The following NR4A1 variants were observed in gnomAD, a reference collection of about 807,000 sequenced individuals.
The protein encoded by NR4A1 is nuclear receptor subfamily 4immunitygroup A member 1.
NR4A1 carries 24 observed loss-of-function variants against 47.5 expected under a neutral mutation model. The observed-to-expected ratio is 0.50, with a 90% CI of 0.37 to 0.71. NR4A1 has a LOEUF of 0.71. NR4A1 is among the 30% of genes least tolerant of loss of function. The pLI is 0.00. For missense variants in NR4A1, 669 were observed against 788.6 expected, an observed-to-expected ratio of 0.85 and a Z score of 1.82; for synonymous variants, 353 against 345.7, an observed-to-expected ratio of 1.02 and a Z score of -0.24.
intron 2 of NR4A1, among the ~76,000 whole-genome samples, chr12:52,042,622 C>T (rs1245046939): frequency 6.6e-6 from 1 of 152,070 alleles, no homozygotes; most frequent in East Asian, 1.9e-4. Flanking sequence ...AACCATGCCT[C>T]CTGGGTGGCT....
upstream of NR4A1, chr12:52,051,308 G>A (rs1938921695): frequency 1.4e-6 from 1 of 707,136 alleles, no homozygotes; most frequent in Non-Finnish European, 1.7e-6. Context: ...CCCCCTGGCC[G>A]CCTCCCGCCG....
Position 52,054,667 on chromosome 12 carries a change from C to T in NR4A1, c.339C>T (p.Pro113=), listed in dbSNP as rs758060568. The change falls in exon 2 of 7, where the codon CCC becomes CCT. Residue 113 remains proline (P), a synonymous_variant. Transcript: ENST00000394825. ...FEDFQVYGCY[P]GPLSGPVDEA... is the part of the protein sequence containing the mutation. ...ACTTCCAGGTGTACGGCTGCTACCCCGGCCCCCTGAGCGGCCCAGTGGATG... is the reference window on the plus strand; with the variant it reads ...ACTTCCAGGTGTACGGCTGCTACCCTGGCCCCCTGAGCGGCCCAGTGGATG... 14 of 1,614,002 alleles carry T rather than the reference C, an allele frequency of 8.7e-6. No homozygotes were observed. Among genetic ancestry groups the T allele is most frequent in the East Asian group, 4.5e-5 (2 of 44,896 alleles).
chr12:52,035,419 G>A (rs1469292802), intron 1 of NR4A1, among the ~76,000 whole-genome samples: 1 of 151,948 alleles, frequency 6.6e-6, no homozygotes, highest in Admixed American at 6.6e-5. Context: ...CTAAATAAAT[G>A]TATTTCTCCC....
chr12:52,047,001 G>A (rs150552528), upstream of NR4A1, among the ~76,000 whole-genome samples: 8 of 152,192 alleles, frequency 5.3e-5, no homozygotes, highest in African/African-American at 1.7e-4. Context: ...GGTGATGAGG[G>A]CAGATGGATA....
intron 1 of NR4A1, chr12:52,053,482 T>G (rs1445332080): frequency 6.7e-6 from 1 of 149,774 alleles, no homozygotes; most frequent in East Asian, 2.1e-4. Context: ...TTGTCCATTC[T>G]CCTGAGAGTC....
intron 1 of NR4A1, among the ~76,000 whole-genome samples, chr12:52,032,359 G>A (rs1938144919): frequency 1.3e-5 from 2 of 152,224 alleles, no homozygotes; most frequent in Admixed American, 6.5e-5. Context: ...TCCATGCTCT[G>A]ATTCTTGCAC....
At position 52,056,525 on chromosome 12, in the gene NR4A1, G is replaced by C. The variant is rs372285209; in HGVS notation, c.1038G>C (p.Arg346=). Residue 346 remains arginine (R), a synonymous_variant, in exon 4 of 7, where the codon CGG becomes CGC. Coordinates refer to ENST00000394825, the MANE Select transcript of NR4A1 (RefSeq NM_173157.3). ...GAACAGACAGCCTGAAGGGGCGGCG[G>C]GGCCGGCTACCTTCAAAACCCAAGC... ...VVRTDSLKGR[R]GRLPSKPKQP... is the part of the protein sequence containing the mutation. 9.3e-6 allele frequency: 15 copies of C among 1,613,402 alleles called. No homozygotes were observed. The highest frequency in any genetic ancestry group is 1.3e-5 in the Non-Finnish European group (15 of 1,179,740).
intron 4 of NR4A1, 155 bp from the exon 5 acceptor site, chr12:52,056,902 G>T (rs1939301288): frequency 2.4e-6 from 2 of 842,754 alleles, no homozygotes; most frequent in African/African-American, 1.7e-5. Context: ...GCAGCCCTGG[G>T]TTAATATGTG....
chr12:52,051,117 C>T (rs1366557435), upstream of NR4A1, among the ~76,000 whole-genome samples: 1 of 152,182 alleles, frequency 6.6e-6, no homozygotes, highest in East Asian at 1.9e-4. Flanking sequence ...GAGTCCGGTG[C>T]GGGGAGCCTA....
Position 52,037,774 on chromosome 12 carries a change from C to T in NR4A1, c.-83-4036C>T, listed in dbSNP as rs1035546445. ...CGCGGGAGCTCGTCTGCCAGGAGAC[C>T]CAGCCGGGAGGGACCGATGCTGCGT... On this transcript the variant is annotated intron_variant, in intron 1 of 7. Coordinates refer to the NR4A1 transcript ENST00000360284. 12 of 985,334 alleles carry T rather than the reference C, an allele frequency of 1.2e-5. No homozygotes were observed. In the South Asian group the frequency reaches 3.3e-4, roughly 27 times the overall value. The allele number at this position is 985,334 out of a possible 1,614,324, so 61.0% of individuals were successfully genotyped here.
At position 52,056,657 on chromosome 12, in the gene NR4A1, C is replaced by G; in HGVS notation, c.1158+12C>G. Reference sequence around the variant, plus strand: ...TGGACTACTCCAAGGTGAGGTCCCACCCCGTGTCTGCCTTGGGGAGGTCTA... The same window carrying G: ...TGGACTACTCCAAGGTGAGGTCCCAGCCCGTGTCTGCCTTGGGGAGGTCTA... On this transcript the variant is annotated intron_variant, in intron 4 of 6. Transcript: ENST00000394825. 1 of 1,561,690 alleles carries G rather than the reference C, an allele frequency of 6.4e-7. No homozygotes were observed.
intron 1 of NR4A1, among the ~76,000 whole-genome samples, chr12:52,027,286 C>T (rs181482736): frequency 4.0e-4 from 61 of 152,372 alleles, no homozygotes; most frequent in South Asian, 8.3e-4. Context: ...ATCAGCTGAC[C>T]GCCCTGTGCT....
At chr12:52,044,496 A>T (rs904533431) in intron 2 of NR4A1, among the ~76,000 whole-genome samples, 1 of 152,182 alleles carries the variant, frequency 6.6e-6, no homozygotes, top group African/African-American at 2.4e-5. Flanking sequence ...CCCGGCATGG[A>T]ACAGGCAGCA....
upstream of NR4A1, among the ~76,000 whole-genome samples, chr12:52,048,456 T>C (rs777678991): frequency 5.3e-5 from 8 of 152,018 alleles, no homozygotes; most frequent in Non-Finnish European, 1.2e-4. Flanking sequence ...TTAGCTGGCG[T>C]GGTGGCAGGC....
chr12:52,054,814 G>C lies in NR4A1; in HGVS notation c.486G>C (p.Ser162=). Residue 162 remains serine (S), a synonymous_variant, in exon 2 of 7, where the codon TCG becomes TCC. Transcript: ENST00000394825. ...GGGATGGCTCCTTCGGCCACTTCTCGCCCAGCCAGACTTACGAAGGCCTGC... is the reference window on the plus strand; with the variant it reads ...GGGATGGCTCCTTCGGCCACTTCTCCCCCAGCCAGACTTACGAAGGCCTGC... ...SPWDGSFGHF[S]PSQTYEGLRA... is the part of the protein sequence containing the mutation. The C allele has an allele frequency of 1.2e-6, 2 of 1,613,330 alleles. No individual in the cohort carries two copies. The highest frequency in any genetic ancestry group is 1.7e-6 in the Non-Finnish European group (2 of 1,179,954).
chr12:52,058,361 T>A (rs1939380807), intron 6 of NR4A1: 2 of 313,174 alleles, frequency 6.4e-6, no homozygotes, highest in Middle Eastern at 8.4e-4. Context: ...GTTCTGAGGC[T>A]GGGTTTCTCA....
In NR4A1 at chr12:52,057,484, C is replaced by G. The variant is rs1159399288; in HGVS notation, c.1494C>G (p.Val498=). The G allele has an allele frequency of 6.2e-7, 1 of 1,614,082 alleles. No homozygotes were observed. The highest frequency in any genetic ancestry group is 8.5e-7 in the Non-Finnish European group (1 of 1,180,046). The change falls in exon 6 of 7, where the codon GTC becomes GTG. Residue 498 remains valine, a synonymous_variant. Coordinates refer to ENST00000394825, the MANE Select transcript of NR4A1 (RefSeq NM_173157.3). ...AFSRSLHSLL[V]DVPAFACLSA... is the part of the protein sequence containing the mutation. ...CAAGGTCCCTGCACAGCTTGCTTGT[C>G]GATGTCCCTGCCTTCGCCTGCCTCT...
intron 1 of NR4A1, among the ~76,000 whole-genome samples, chr12:52,036,719 G>A (rs947560001): frequency 1.3e-5 from 2 of 152,232 alleles, no homozygotes; most frequent in African/African-American, 2.4e-5. Flanking sequence ...TGCCCTTGGG[G>A]TGGCATGAAT....
Position 52,056,120 on chromosome 12 carries a change from C to T in NR4A1, c.967C>T (p.Arg323Cys), listed in dbSNP as rs1188089355. 6.2e-6 allele frequency: 10 copies of T among 1,611,840 alleles called. No individual in the cohort carries two copies. Among genetic ancestry groups the T allele is most frequent in the Admixed American group, 1.7e-5 (1 of 59,520 alleles). ...GCGGCGAAACCGCTGCCAGTTCTGC[C>T]GCTTCCAGAAGTGCCTGGCGGTGGG... ...KRRRNRCQFCRFQKCLAVGMV... is the reference protein window; with the variant it reads ...KRRRNRCQFCCFQKCLAVGMV... Residue 323 changes from arginine (R) to cysteine (C), a missense_variant, in exon 3 of 7, where the codon CGC becomes TGC. By Grantham distance (180) the Arg-to-Cys change is radical. Transcript: ENST00000394825.
Sources: allele counts gnomAD v4.1 joint callset (sites outside exome capture counted in the v4.1 genomes callset), GRCh38; gene constraint gnomAD v4.1.1; transcripts MANE v1.5; gene names NCBI Gene and HGNC (gene_info 2026-07-23, HGNC 2026-07-21).